Variants in TPD52L1 observed in about 807,000 individuals in gnomAD.
The protein encoded by TPD52L1 is tumor protein D53.
In TPD52L1, 18 loss-of-function variants were observed where a neutral mutation model predicts 28.7. That is an observed-to-expected ratio of 0.63 (90% CI 0.43 to 0.93). The LOEUF (loss-of-function observed/expected upper bound fraction) is 0.93, where lower values mean the gene tolerates loss of function less well. Among genes scored for constraint, TPD52L1 ranks in the 40% least tolerant of loss-of-function variants. The probability of loss-of-function intolerance (pLI) is 0.00; values close to 1 mark genes in which losing one functional copy is unlikely to be tolerated. For missense variants in TPD52L1, 203 were observed against 254.8 expected, an observed-to-expected ratio of 0.80 and a Z score of 1.39; for synonymous variants, 75 against 88.8, an observed-to-expected ratio of 0.84 and a Z score of 0.88.
intron 2 of TPD52L1, chr6:125,221,777 C>T (rs1462782100): frequency 6.6e-6 from 1 of 152,218 alleles, no homozygotes; most frequent in Non-Finnish European, 1.5e-5. Context: ...GAACATTTCA[C>T]TCCTAAGAGT....
intron 1 of TPD52L1, among the ~76,000 whole-genome samples, chr6:125,216,529 GTATATATATATATATATATA>G (rs56135453): frequency 5.8e-5 from 4 of 69,066 alleles, no homozygotes; most frequent in East Asian, 1.1e-3. Context: ...GTATGTGTGT[GTATATATATATATATATATA>G]TATATATATA....
intron 6 of TPD52L1, chr6:125,261,219 G>C (rs910668123): frequency 2.6e-5 from 4 of 152,050 alleles, no homozygotes; most frequent in African/African-American, 7.2e-5. Flanking sequence ...ACACCAAGCA[G>C]AGTACAAAAA....
intron 1 of TPD52L1, chr6:125,208,867 C>T (rs1226855323): frequency 1.5e-5 from 15 of 983,282 alleles, no homozygotes; most frequent in African/African-American, 3.5e-5. Flanking sequence ...GGTCCTGAGC[C>T]CTCACACCAG....
At chr6:125,186,111 C>A (rs1055492662) in intron 1 of TPD52L1, among the ~76,000 whole-genome samples, 3 of 151,982 alleles carry the variant, frequency 2.0e-5, no homozygotes, top group Non-Finnish European at 4.4e-5. Flanking sequence ...TCAGGCTGGT[C>A]TCGAACTCCT....
At chr6:125,189,908 G>A (rs1169717515) in intron 1 of TPD52L1, among the ~76,000 whole-genome samples, 3 of 152,166 alleles carry the variant, frequency 2.0e-5, no homozygotes, top group South Asian at 2.1e-4. Context: ...ACTTAGGTTT[G>A]ACAAAACACA....
chr6:125,223,391 T>A (rs1795383159), intron 2 of TPD52L1, among the ~76,000 whole-genome samples: 1 of 152,152 alleles, frequency 6.6e-6, no homozygotes, highest in African/African-American at 2.4e-5. Flanking sequence ...GGCTTACATC[T>A]TGGACAAATT....
intron 1 of TPD52L1, chr6:125,214,347 A>C: frequency 2.0e-6 from 1 of 507,532 alleles, no homozygotes. Context: ...TTTCTGGGCC[A>C]ATGCCCAGAG....
intron 1 of TPD52L1, among the ~76,000 whole-genome samples, chr6:125,216,211 AG>A (rs1005177181): frequency 7.2e-5 from 11 of 152,088 alleles, no homozygotes; most frequent in African/African-American, 2.7e-4. Flanking sequence ...GTAGTCTCAT[AG>A]GTTGCTGATG....
At chr6:125,194,043 T>TTTTTTTC (rs1491233428) in intron 1 of TPD52L1, among the ~76,000 whole-genome samples, 2 of 110,638 alleles carry the variant, frequency 1.8e-5, no homozygotes, top group East Asian at 2.6e-4. Flanking sequence ...TTTTTTTTTT[T>TTTTTTTC]CTAAAAAAAC....
At chr6:125,257,576 C>A (rs548149797) in intron 6 of TPD52L1, among the ~76,000 whole-genome samples, 106 of 152,294 alleles carry the variant, frequency 7.0e-4, no homozygotes, top group African/African-American at 2.5e-3. Flanking sequence ...ACTACGTATC[C>A]ACTACCCGTC....
chr6:125,206,172 T>G (rs752357016), intron 1 of TPD52L1, among the ~76,000 whole-genome samples: 7 of 152,178 alleles, frequency 4.6e-5, no homozygotes, highest in Non-Finnish European at 1.5e-5. Context: ...AACAGTACTA[T>G]TAATAGTGGT....
chr6:125,213,804 G>T (rs1794672860), intron 1 of TPD52L1, among the ~76,000 whole-genome samples: 1 of 152,140 alleles, frequency 6.6e-6, no homozygotes, highest in Non-Finnish European at 1.5e-5. Context: ...CCTTCCTAGA[G>T]TTCAAAAAGG....
rs780600449 is a variant in TPD52L1 at position 125,210,943 on chromosome 6, C to A, written c.20-9135C>A. Among the ~76,000 whole-genome samples, 5 of 152,132 alleles carry A rather than the reference C, an allele frequency of 3.3e-5. No individual in the cohort carries two copies. In the South Asian group the frequency reaches 1.0e-3, roughly 32 times the overall value. ...ATTGGTTTGTTCCCCAAAGTTATACCCTTTCCAATATCACTATACTATCTT... is the reference window on the plus strand; with the variant it reads ...ATTGGTTTGTTCCCCAAAGTTATACACTTTCCAATATCACTATACTATCTT... On this transcript the variant is annotated intron_variant, in intron 1 of 6. Coordinates refer to ENST00000534000, the MANE Select transcript of TPD52L1 (RefSeq NM_003287.4).
chr6:125,161,758 A>T (rs1203923818), intron 1 of TPD52L1, among the ~76,000 whole-genome samples: 2 of 152,182 alleles, frequency 1.3e-5, no homozygotes, highest in African/African-American at 4.8e-5. Context: ...TGATGGTAAC[A>T]TCAAAGATCA....
chr6:125,201,654 C>A (rs1210042724), intron 1 of TPD52L1, among the ~76,000 whole-genome samples: 1 of 152,174 alleles, frequency 6.6e-6, no homozygotes, highest in Admixed American at 6.5e-5. Context: ...GGCTTCTTTG[C>A]AAATATCTTA....
intron 3 of TPD52L1, among the ~76,000 whole-genome samples, chr6:125,238,504 C>T (rs755806828): frequency 6.6e-6 from 1 of 151,730 alleles, no homozygotes; most frequent in Admixed American, 6.6e-5. Flanking sequence ...TCCCTCACCC[C>T]CCTCGAACCC....
intron 2 of TPD52L1, among the ~76,000 whole-genome samples, chr6:125,221,651 C>T (rs1268096769): frequency 6.6e-6 from 1 of 152,120 alleles, no homozygotes; most frequent in Non-Finnish European, 1.5e-5. Flanking sequence ...CATGATACTA[C>T]TTTTATAATC....
At chr6:125,210,161 A>G (rs6939740) in intron 1 of TPD52L1, among the ~76,000 whole-genome samples, 36,315 of 152,166 alleles carry the variant, frequency 0.24, 5,294 homozygotes, top group Admixed American at 0.38. Context: ...CCGAATTATA[A>G]ATTCCAATGA....
chr6:125,167,733 G>C (rs1443669774), intron 1 of TPD52L1, among the ~76,000 whole-genome samples: 1 of 152,066 alleles, frequency 6.6e-6, no homozygotes, highest in East Asian at 1.9e-4. Flanking sequence ...CCTCCTACCA[G>C]TAGGAGAAGA....
Sources: allele counts gnomAD v4.1 joint callset (sites outside exome capture counted in the v4.1 genomes callset), GRCh38; gene constraint gnomAD v4.1.1; transcripts MANE v1.5; gene names NCBI Gene and HGNC (gene_info 2026-07-23, HGNC 2026-07-21).